DISP3: variants seen among roughly 807,000 people sequenced by gnomAD.
The protein encoded by DISP3 is protein dispatched homolog 3.
Under a neutral mutation model 135.3 loss-of-function variants are expected in DISP3, and 101 were observed. The observed-to-expected ratio is 0.75, with a 90% CI of 0.64 to 0.88. The LOEUF (loss-of-function observed/expected upper bound fraction) is 0.88. DISP3 is among the 40% of genes least tolerant of loss of function. The pLI, the probability that DISP3 is intolerant of heterozygous loss-of-function variation, is 0.00. For synonymous variants in DISP3, 856 were observed against 817.0 expected (o/e 1.05, Z -0.81); for missense variants, 1,713 against 1,878.6 (o/e 0.91, Z 1.63).
intron 1 of DISP3, among the ~76,000 whole-genome samples, chr1:11,492,847 T>C (rs1474701310): frequency 6.6e-6 from 1 of 152,116 alleles, no homozygotes. Context: ...TACCCCTTCC[T>C]CTATGGATCT....
rs561053834 is a variant in DISP3 at position 11,531,942 on chromosome 1, A to C, written c.3375+232A>C. Among the ~76,000 whole-genome samples, 2 of 151,836 alleles carry C rather than the reference A, an allele frequency of 1.3e-5. No homozygotes were observed. The highest frequency in any genetic ancestry group is 4.8e-5 in the African/African-American group (2 of 41,362). On this transcript the variant is annotated intron_variant, in intron 17 of 20. Transcript: ENST00000294484. The surrounding 1 kb of genome is among the most constrained non-coding windows in gnomAD (Gnocchi z 5.2). ...ATGGGCGGCCTGCCAGTTCCCTTCC[A>C]CCCACCTTTCCCCTTCCCTCCCTCT...
chr1:11,501,432 C>G lies in DISP3; in HGVS notation c.440C>G (p.Thr147Arg), dbSNP rs61736678. 1.9e-6 allele frequency: 3 copies of G among 1,592,986 alleles called. No homozygotes were observed. The highest frequency in any genetic ancestry group is 2.6e-6 in the Non-Finnish European group (3 of 1,170,368). Residue 147 changes from threonine to arginine, a missense_variant, in exon 2 of 21, where the codon ACG becomes AGG. Physicochemically the swap from Thr to Arg is moderately conservative, Grantham distance 71 (BLOSUM62 -1). Coordinates refer to ENST00000294484, the MANE Select transcript of DISP3 (RefSeq NM_020780.2). This position sits in a 1 kb window ranked among gnomAD's most constrained non-coding sequence, Gnocchi z 4.9. ...GATTTGGCCGACTTCACCTCCGAGA[C>G]GCTTCAGCGCCTTATCTCAGAGCAG... ...RRDLADFTSE[T>R]LQRLISEQLQ...
In DISP3 at chr1:11,523,948, T is replaced by TC. The variant is rs1358422683; in HGVS notation, c.2371dup (p.Gln791ProfsTer28). 6.2e-7 allele frequency: 1 copy of TC among 1,612,260 alleles called. No individual in the cohort carries two copies. The highest frequency in any genetic ancestry group is 8.5e-7 in the Non-Finnish European group (1 of 1,179,320). Reference sequence around the variant, plus strand: ...ACATGGCGCTGGGGGGCAGGTCTGTTCCAGGAGAAGCCCCACAGCCTGCAG... The same window carrying TC: ...ACATGGCGCTGGGGGGCAGGTCTGTTCCCAGGAGAAGCCCCACAGCCTGCAG... On this transcript the variant is annotated frameshift_variant, in exon 11 of 21. Coordinates refer to ENST00000294484, the MANE Select transcript of DISP3 (RefSeq NM_020780.2). LOFTEE classifies it high-confidence loss of function.
rs746174244 is a variant in DISP3 at position 11,499,460 on chromosome 1, G to A, written c.-3-1530G>A. ...GCTGCCTCCAGTGCGAATACAAATC[G>A]GGACTCAGAGCAGTTACCATCCCCT... On this transcript the variant is annotated intron_variant, in intron 1 of 20. Coordinates refer to ENST00000294484, the MANE Select transcript of DISP3 (RefSeq NM_020780.2). This position sits in a 1 kb window ranked among gnomAD's most constrained non-coding sequence, Gnocchi z 5.2. Among the ~76,000 whole-genome samples, 1 of 152,120 alleles carries A rather than the reference G, an allele frequency of 6.6e-6. No individual in the cohort carries two copies. Among genetic ancestry groups the A allele is most frequent in the Non-Finnish European group, 1.5e-5 (1 of 68,030 alleles).
intron 1 of DISP3, chr1:11,481,657 G>T (rs1640907991): frequency 6.6e-6 from 1 of 152,166 alleles, no homozygotes; most frequent in South Asian, 2.1e-4. Flanking sequence ...TGAGCTTCAG[G>T]TTTCCCGTCT....
chr1:11,501,895 C>A lies in DISP3; in HGVS notation c.903C>A (p.Ile301=), dbSNP rs1328360658. Residue 301 remains isoleucine (I), a synonymous_variant, in exon 2 of 21, where the codon ATC becomes ATA. Coordinates refer to ENST00000294484, the MANE Select transcript of DISP3 (RefSeq NM_020780.2). This position sits in a 1 kb window ranked among gnomAD's most constrained non-coding sequence, Gnocchi z 4.9. ...AGCGCCTGGTCACGATCCATGAGAT[C>A]GAGCGCAAGATCATGGACCACCCAG... ...TSERLVTIHE[I]ERKIMDHPGF... is the part of the protein sequence containing the mutation. 4 of 1,613,262 alleles carry A rather than the reference C, an allele frequency of 2.5e-6. No individual in the cohort carries two copies. In the South Asian group the frequency reaches 3.3e-5, roughly 13 times the overall value.
intron 1 of DISP3, among the ~76,000 whole-genome samples, chr1:11,481,070 C>CAT (rs1462233333): frequency 2.7e-5 from 4 of 149,750 alleles, no homozygotes; most frequent in Non-Finnish European, 5.9e-5. Context: ...CTCTCACACA[C>CAT]ATACACACAC....
chr1:11,520,412 AGGTGCTCTGAGGT>A lies in DISP3; in HGVS notation c.2201-270_2201-258del, dbSNP rs1236293304. On this transcript the variant is annotated intron_variant, in intron 9 of 20. Coordinates refer to ENST00000294484, the MANE Select transcript of DISP3 (RefSeq NM_020780.2). The surrounding 1 kb of genome is among the most constrained non-coding windows in gnomAD (Gnocchi z 4.8). ...GTGCACCAGCTCGTCATAAACTATGAGGTGCTCTGAGGTGGTGGCCGCCTCTTGTCCAGGAGTA... is the reference window on the plus strand; with the variant it reads ...GTGCACCAGCTCGTCATAAACTATGAGGTGGCCGCCTCTTGTCCAGGAGTA... Among the ~76,000 whole-genome samples, 1 of 152,100 alleles carries A rather than the reference AGGTGCTCTGAGGT, an allele frequency of 6.6e-6. No homozygotes were observed. Among genetic ancestry groups the A allele is most frequent in the African/African-American group, 2.4e-5 (1 of 41,402 alleles).
chr1:11,534,806 C>A, intron 18 of DISP3: 1 of 759,826 alleles, frequency 1.3e-6, no homozygotes, highest in Non-Finnish European at 2.3e-6. Context: ...AGTTACCAGC[C>A]CCTCCTAGGT....
chr1:11,502,237 G>A (rs911945322), intron 2 of DISP3, 149 bp downstream of exon 2: 1 of 1,294,462 alleles, frequency 7.7e-7, no homozygotes, highest in Non-Finnish European at 1.0e-6. Context: ...AAGGTGAAAA[G>A]GGCTGGGCTC....
intron 1 of DISP3, among the ~76,000 whole-genome samples, chr1:11,489,582 C>T (rs1641127972): frequency 6.6e-6 from 1 of 152,246 alleles, no homozygotes; most frequent in Non-Finnish European, 1.5e-5. Context: ...TCCCAGCATC[C>T]AGCCCCCCTT....
At chr1:11,524,447 C>T (rs1382298294) in intron 11 of DISP3, among the ~76,000 whole-genome samples, 1 of 151,992 alleles carries the variant, frequency 6.6e-6, no homozygotes, top group Non-Finnish European at 1.5e-5. Context: ...GTCCCTGTCA[C>T]CCTATGGCAC....
intron 10 of DISP3, among the ~76,000 whole-genome samples, chr1:11,522,673 A>ACCCAGCCAGGGCCCAGCCAGAG (rs1642251800): frequency 1.3e-5 from 1 of 74,314 alleles, no homozygotes; most frequent in African/African-American, 5.8e-5. Context: ...CCCAGCCAGG[A>ACCCAGCCAGGGCCCAGCCAGAG]CCCAGCCAGA....
intron 18 of DISP3, 62 bp downstream of exon 18, chr1:11,534,602 G>A (rs1428897497): frequency 6.5e-7 from 1 of 1,545,500 alleles, no homozygotes; most frequent in East Asian, 2.3e-5. Context: ...CTGGGGCCGG[G>A]AGGGCACAGA....
intron 17 of DISP3, 44 bp from the exon 18 acceptor site, chr1:11,534,337 C>T (rs779936503): frequency 6.2e-7 from 1 of 1,611,218 alleles, no homozygotes; most frequent in South Asian, 1.1e-5. Flanking sequence ...GGCGGGTGGG[C>T]CACAGTCCCT....
At chr1:11,523,625 G>A (rs1237560906) in intron 10 of DISP3, among the ~76,000 whole-genome samples, 2 of 124,694 alleles carry the variant, frequency 1.6e-5, no homozygotes, top group Non-Finnish European at 1.7e-5. Context: ...CAGAGACGGC[G>A]AGCAGGGGGC....
intron 1 of DISP3, among the ~76,000 whole-genome samples, chr1:11,489,360 T>G (rs1641121263): frequency 6.6e-6 from 1 of 152,204 alleles, no homozygotes; most frequent in Non-Finnish European, 1.5e-5. Flanking sequence ...TAGGAGGGAT[T>G]GCAGTCTCCC....
At position 11,499,965 on chromosome 1, in the gene DISP3, G is replaced by A. The variant is rs750225343; in HGVS notation, c.-3-1025G>A. Among the ~76,000 whole-genome samples, 5 of 152,266 alleles carry A rather than the reference G, an allele frequency of 3.3e-5. No individual in the cohort carries two copies. The highest frequency in any genetic ancestry group is 4.8e-5 in the African/African-American group (2 of 41,478). ...TGGATAATGAGTCTCTCTCTGTCCA[G>A]AGGGCAGGCAGGACAAAGGGGATAG... On this transcript the variant is annotated intron_variant, in intron 1 of 20. Transcript: ENST00000294484. This position sits in a 1 kb window ranked among gnomAD's most constrained non-coding sequence, Gnocchi z 5.2.
At chr1:11,509,822 G>T (rs1165169826) in intron 3 of DISP3, among the ~76,000 whole-genome samples, 1 of 152,022 alleles carries the variant, frequency 6.6e-6, no homozygotes, top group Non-Finnish European at 1.5e-5. Flanking sequence ...TTTTTTAAAG[G>T]TCTCCAGGTG....
Sources: allele counts gnomAD v4.1 joint callset (sites outside exome capture counted in the v4.1 genomes callset), GRCh38; gene constraint gnomAD v4.1.1; non-coding constraint Gnocchi (gnomAD v3.1); transcripts MANE v1.5; gene names NCBI Gene and HGNC (gene_info 2026-07-23, HGNC 2026-07-21).